Variants in CPLX1 observed in about 807,000 individuals in gnomAD.
CPLX1 encodes complexin 1, also known as complexin-1.
In CPLX1, 6 loss-of-function variants were observed where a neutral mutation model predicts 15.6. The observed-to-expected ratio is 0.39, with a 90% CI of 0.21 to 0.76. CPLX1 has a LOEUF of 0.76. Ranked by LOEUF, CPLX1 falls within the 30% of genes least tolerant of loss-of-function variation. The probability of loss-of-function intolerance (pLI) is 0.43; values close to 1 mark genes in which losing one functional copy is unlikely to be tolerated. For synonymous variants in CPLX1, 91 were observed against 75.2 expected (o/e 1.21, Z -1.08); for missense variants, 242 against 188.6 (o/e 1.28, Z -1.66).
intron 3 of CPLX1, among the ~76,000 whole-genome samples, chr4:790,314 A>G (rs1366690281): frequency 6.6e-6 from 1 of 152,140 alleles, no homozygotes; most frequent in African/African-American, 2.4e-5. Flanking sequence ...AGGGGCTTAG[A>G]CCAAGGCAGG....
At chr4:788,039 T>C in intron 3 of CPLX1, 1 of 985,278 alleles carries the variant, frequency 1.0e-6, no homozygotes, top group Middle Eastern at 5.2e-4. Context: ...GGAGAAAACT[T>C]AGGAGGGGAG....
intron 2 of CPLX1, among the ~76,000 whole-genome samples, chr4:794,567 C>A (rs945265987): frequency 5.3e-5 from 8 of 152,202 alleles, no homozygotes. Context: ...GGACCAAAAT[C>A]TCTCTGCCTC....
chr4:787,316 T>G, intron 3 of CPLX1: 1 of 985,372 alleles, frequency 1.0e-6, no homozygotes, highest in South Asian at 4.7e-5. Context: ...CCAGTATGCC[T>G]GGGCCTCACC....
chr4:792,695 C>T, intron 2 of CPLX1, 87 bp from the exon 3 acceptor site: 1 of 1,437,942 alleles, frequency 7.0e-7, no homozygotes, highest in Non-Finnish European at 9.4e-7. Context: ...CACCTTCTGG[C>T]CGACCCCCCA....
chr4:801,122 G>A (rs1746448110), intron 2 of CPLX1, among the ~76,000 whole-genome samples: 1 of 151,316 alleles, frequency 6.6e-6, no homozygotes, highest in Non-Finnish European at 1.5e-5. Flanking sequence ...AGAATAGCCT[G>A]GCTAACATGG....
At chr4:787,171 G>C (rs1746022863) in intron 3 of CPLX1, 1 of 985,306 alleles carries the variant, frequency 1.0e-6, no homozygotes, top group African/African-American at 1.7e-5. Flanking sequence ...AAGGCTGCCT[G>C]GATGCGGCCG....
At chr4:808,167 G>A (rs958956974) in intron 2 of CPLX1, among the ~76,000 whole-genome samples, 2 of 152,166 alleles carry the variant, frequency 1.3e-5, no homozygotes, top group Admixed American at 1.3e-4. Context: ...TACCTGGGAG[G>A]CTGAGGCGAG....
chr4:804,975 G>A, intron 2 of CPLX1: 2 of 978,022 alleles, frequency 2.0e-6, no homozygotes, highest in South Asian at 4.7e-5. Context: ...CGCGGCGGCC[G>A]GCTAGGGCGG....
chr4:808,175 G>A (rs1293108440), intron 2 of CPLX1, among the ~76,000 whole-genome samples: 4 of 152,104 alleles, frequency 2.6e-5, no homozygotes, highest in South Asian at 2.1e-4. Flanking sequence ...AGGCTGAGGC[G>A]AGAGAATTTC....
chr4:826,036 G>A lies in CPLX1; in HGVS notation c.-80+10C>T, dbSNP rs1746984243. On this transcript the variant is annotated intron_variant, in intron 1 of 3. Transcript: ENST00000304062. ...AGGCCGGGCGCGCGCTGCGCTCGGGGCGCGGTTACCTTCCCGGGGCGCGGG... is the reference window on the plus strand; with the variant it reads ...AGGCCGGGCGCGCGCTGCGCTCGGGACGCGGTTACCTTCCCGGGGCGCGGG... The A allele has an allele frequency of 2.1e-5, 2 of 96,636 alleles. No homozygotes were observed. Among genetic ancestry groups the A allele is most frequent in the East Asian group, 3.7e-4 (1 of 2,726 alleles). 6.0% of individuals were successfully genotyped at this position (96,636 alleles called of 1,614,324 possible). A position where few individuals can be genotyped will look rare whatever the true frequency, so the allele number is the denominator to read the frequency against.
rs146522440 is a variant in CPLX1, at chr4:787,401, T to A, written c.208-703A>T. ...CCGTAGTAGCTGAATATTGTCCCCC[T>A]CAAATTCATATTGCCTGGAGCTTCA... is the stretch of plus-strand genomic sequence containing the variant. On this transcript the variant is annotated intron_variant, in intron 3 of 3. Transcript: ENST00000304062. 5.2e-5 allele frequency: 51 copies of A among 982,760 alleles called. No homozygotes were observed. The African/African-American group carries it at 6.6e-4, about 13-fold the overall frequency. The allele number at this position is 982,760 out of a possible 1,614,324, so 60.9% of individuals were successfully genotyped here.
At chr4:817,984 G>A (rs1339487597) in intron 2 of CPLX1, among the ~76,000 whole-genome samples, 1 of 152,228 alleles carries the variant, frequency 6.6e-6, no homozygotes, top group African/African-American at 2.4e-5. Context: ...CCGCCCTCGG[G>A]GGTGGCTCAC....
At chr4:800,132 G>T (rs563082832) in intron 2 of CPLX1, among the ~76,000 whole-genome samples, 1 of 152,116 alleles carries the variant, frequency 6.6e-6, no homozygotes, top group African/African-American at 2.4e-5. Context: ...CCCTGCTGTT[G>T]TCCACTGCCG....
rs1047064812 is a variant in CPLX1 at position 786,642 on chromosome 4, G to T, written c.264C>A (p.Ala88=). 5 of 1,612,262 alleles carry T rather than the reference G, an allele frequency of 3.1e-6. No homozygotes were observed. In the African/African-American group the frequency reaches 5.3e-5, roughly 17 times the overall value. ...GCCGCGTCAAGCTCCCCTCGGAGTTGGCCTCCATGGCGGCCTGGGCCTCGG... is the reference window on the plus strand; with the variant it reads ...GCCGCGTCAAGCTCCCCTCGGAGTTTGCCTCCATGGCGGCCTGGGCCTCGG... The part of the protein sequence containing the change: ...REAEAQAAME[A]NSEGSLTRPK... Residue 88 remains alanine (A), a synonymous_variant, in exon 4 of 4, where the codon GCC becomes GCA. Coordinates refer to ENST00000304062, the MANE Select transcript of CPLX1 (RefSeq NM_006651.4).
intron 2 of CPLX1, among the ~76,000 whole-genome samples, chr4:805,355 T>G (rs1436221823): frequency 6.6e-6 from 1 of 152,150 alleles, no homozygotes; most frequent in Non-Finnish European, 1.5e-5. Flanking sequence ...CCTTTGAAGC[T>G]CTCATGGAAT....
intron 2 of CPLX1, among the ~76,000 whole-genome samples, chr4:797,284 G>A (rs1161059702): frequency 6.6e-6 from 1 of 152,176 alleles, no homozygotes; most frequent in African/African-American, 2.4e-5. Flanking sequence ...ATGGGAGCAG[G>A]CAGTCAGCTC....
intron 2 of CPLX1, among the ~76,000 whole-genome samples, chr4:798,243 C>T (rs1234030188): frequency 2.1e-5 from 3 of 145,166 alleles, no homozygotes; most frequent in Non-Finnish European, 4.5e-5. Context: ...CCACTGAACT[C>T]CAGCCTGGGT....
chr4:819,470 T>A (rs1746820233), intron 2 of CPLX1, among the ~76,000 whole-genome samples: 2 of 152,270 alleles, frequency 1.3e-5, no homozygotes, highest in Admixed American at 1.3e-4. Context: ...ACACGGCGTT[T>A]GTGAAGTCCG....
At chr4:795,923 T>A (rs997554097) in intron 2 of CPLX1, among the ~76,000 whole-genome samples, 3 of 151,912 alleles carry the variant, frequency 2.0e-5, no homozygotes, top group Non-Finnish European at 4.4e-5. Flanking sequence ...TCTGCAGACA[T>A]CGGGGAGGGT....
Sources: allele counts gnomAD v4.1 joint callset (sites outside exome capture counted in the v4.1 genomes callset), GRCh38; gene constraint gnomAD v4.1.1; transcripts MANE v1.5; gene names NCBI Gene and HGNC (gene_info 2026-07-23, HGNC 2026-07-21).